Variants in EIF2B1 observed in about 807,000 individuals in gnomAD.
EIF2B1 encodes eukaryotic translation initiation factor 2B subunit alpha, also known as translation initiation factor eIF2B subunit alpha.
In EIF2B1, 30 loss-of-function variants were observed where a neutral mutation model predicts 36.8. The ratio of observed to expected loss-of-function variants is 0.81; its 90% CI spans 0.61 to 1.10. The LOEUF (loss-of-function observed/expected upper bound fraction) is 1.10, where lower values mean the gene tolerates loss of function less well. EIF2B1 is among the 50% of genes least tolerant of loss of function. The pLI is 0.00. For synonymous variants in EIF2B1, 139 were observed against 142.2 expected, an observed-to-expected ratio of 0.98 and a Z score of 0.16; for missense variants, 271 against 374.8, an observed-to-expected ratio of 0.72 and a Z score of 2.29.
chr12:123,624,961 T>C, intron 6 of EIF2B1, 99 bp from the exon 7 acceptor site: 3 of 1,138,444 alleles, frequency 2.6e-6, no homozygotes, highest in Non-Finnish European at 3.9e-6. Flanking sequence ...CAAGGTAAGT[T>C]CCTCCCATAA....
Position 123,630,514 on chromosome 12 carries a change from C to G in EIF2B1, c.135G>C (p.Leu45=), listed in dbSNP as rs768721677. 6.2e-7 allele frequency: 1 copy of G among 1,613,224 alleles called. No individual in the cohort carries two copies. The highest frequency in any genetic ancestry group is 8.5e-7 in the Non-Finnish European group (1 of 1,179,924). ...KRDKGETIQG[L]RANLTSAIET... Reference sequence around the variant, plus strand: ...CTATGGCACTGGTGAGATTCGCCCTCAGACCCTGGATTGTCTCCCCTGGAA... The same window carrying G: ...CTATGGCACTGGTGAGATTCGCCCTGAGACCCTGGATTGTCTCCCCTGGAA... Residue 45 remains leucine, a synonymous_variant, in exon 3 of 9, where the codon CTG becomes CTC. Transcript: ENST00000424014. This position sits in a 1 kb window ranked among gnomAD's most constrained non-coding sequence, Gnocchi z 4.6.
At chr12:123,632,288 AAAG>A in intron 2 of EIF2B1, 54 bp downstream of exon 2, 1 of 1,192,784 alleles carries the variant, frequency 8.4e-7, no homozygotes, top group Non-Finnish European at 1.2e-6. Context: ...AAAAAAAAGA[AAAG>A]AAAAAAAAGA....
At position 123,632,318 on chromosome 12, in the gene EIF2B1, AGT is replaced by A. The variant is rs1308331739; in HGVS notation, c.115+25_115+26del. On this transcript the variant is annotated intron_variant, in intron 2 of 8. Transcript: ENST00000424014. ...AAAAAAAGACTATCCTAAGTCCCAG[AGT>A]GTTAACAGATGACTCTCTATATACC... 6 of 1,299,634 alleles carry A rather than the reference AGT, an allele frequency of 4.6e-6. No homozygotes were observed. The East Asian group carries it at 1.4e-4, about 30-fold the overall frequency. The allele number at this position is 1,299,634 out of a possible 1,614,324, so 80.5% of individuals were successfully genotyped here. A position where few individuals can be genotyped will look rare whatever the true frequency, so the allele number is the denominator to read the frequency against.
At chr12:123,633,489 G>A (rs1000409499) in intron 1 of EIF2B1, 56 bp downstream of exon 1, 1 of 1,613,028 alleles carries the variant, frequency 6.2e-7, no homozygotes, top group African/African-American at 1.3e-5. Flanking sequence ...GAGAGGTTGG[G>A]GGGACCCCTG....
chr12:123,626,983 A>C (rs1341282567), intron 5 of EIF2B1, 61 bp downstream of exon 5: 1 of 1,471,402 alleles, frequency 6.8e-7, no homozygotes, highest in African/African-American at 1.4e-5. Context: ...GTTGGACTGT[A>C]ATCCGCAGTT....
intron 4 of EIF2B1, among the ~76,000 whole-genome samples, chr12:123,628,778 C>T (rs1411330876): frequency 1.3e-5 from 2 of 152,116 alleles, no homozygotes; most frequent in South Asian, 2.1e-4. Flanking sequence ...AAGGCAGGTT[C>T]GTGGACCCTA....
Position 123,633,634 on chromosome 12 carries a change from C to T in EIF2B1, c.-77G>A, listed in dbSNP as rs779339725. ...CGAACGGGTCCGCCGGCCGCGCCGCCTGCGAGCCAGTCTGACAGCGCGCTG... is the reference window on the plus strand; with the variant it reads ...CGAACGGGTCCGCCGGCCGCGCCGCTTGCGAGCCAGTCTGACAGCGCGCTG... On this transcript the variant is annotated 5_prime_UTR_variant, in exon 1 of 9. Transcript: ENST00000424014. The T allele has an allele frequency of 6.3e-7, 1 of 1,592,896 alleles. No homozygotes were observed. The highest frequency in any genetic ancestry group is 1.7e-5 in the Admixed American group (1 of 59,734).
chr12:123,621,613 C>G lies in EIF2B1; in HGVS notation c.*143G>C. The G allele has an allele frequency of 9.7e-7, 1 of 1,030,734 alleles. No individual in the cohort carries two copies. Among genetic ancestry groups the G allele is most frequent in the South Asian group, 1.4e-5 (1 of 73,720 alleles). The allele number at this position is 1,030,734 out of a possible 1,614,324, so 63.8% of individuals were successfully genotyped here. On this transcript the variant is annotated 3_prime_UTR_variant, in exon 9 of 9. Transcript: ENST00000424014. The stretch of plus-strand genomic sequence containing the variant: ...GACTGAAATGAGTAAGAAAGGTTCT[C>G]CAAGATGTATGATTTTAAGTCCTTA...
At chr12:123,626,321 TG>T in intron 6 of EIF2B1, 103 bp downstream of exon 6, 1 of 1,375,764 alleles carries the variant, frequency 7.3e-7, no homozygotes, top group Non-Finnish European at 1.0e-6. Context: ...GGACGCTACC[TG>T]GTGTGGCTTT....
intron 4 of EIF2B1, among the ~76,000 whole-genome samples, chr12:123,627,601 T>C (rs184768971): frequency 4.3e-4 from 65 of 152,286 alleles, no homozygotes; most frequent in African/African-American, 1.5e-3. Context: ...AATCCCAGCA[T>C]TTTGGGAGGC....
rs73414291 is a variant in EIF2B1 at position 123,624,759 on chromosome 12, G to A, written c.627+28C>T. On this transcript the variant is annotated intron_variant, in intron 7 of 8. Transcript: ENST00000424014. ...GCAAGACACCTCCAAGTCTTGAGCA[G>A]GGAACTGGGGAGAACTGATGCTCTT... The A allele has an allele frequency of 2.1e-3, 3,435 of 1,604,332 alleles. 58 individuals carry two copies. In the African/African-American group the frequency reaches 0.038, roughly 18 times the overall value.
chr12:123,621,802 A>C lies in EIF2B1; in HGVS notation c.872T>G (p.Leu291Arg). The C allele has an allele frequency of 1.9e-6, 3 of 1,614,012 alleles. No individual in the cohort carries two copies. Among genetic ancestry groups the C allele is most frequent in the Non-Finnish European group, 2.5e-6 (3 of 1,180,034 alleles). Residue 291 changes from leucine to arginine, a missense_variant, in exon 9 of 9, where the codon CTG becomes CGG. Leu to Arg is a moderately radical substitution (Grantham distance 102). Coordinates refer to ENST00000424014, the MANE Select transcript of EIF2B1 (RefSeq NM_001414.4). The stretch of plus-strand genomic sequence containing the variant: ...CTCATCGCTGACTGCTGAGGGTGTC[A>C]GCACGCCCAGGTCTGTAAACAGCAG... ...ITLLFTDLGV[L>R]TPSAVSDELI...
chr12:123,622,357 TGTG>T (rs1200866975), intron 8 of EIF2B1, among the ~76,000 whole-genome samples: 3 of 152,210 alleles, frequency 2.0e-5, no homozygotes, highest in African/African-American at 4.8e-5. Flanking sequence ...GTTTGTAAGT[TGTG>T]GTGATGGGAG....
chr12:123,630,599 T>G lies in EIF2B1; in HGVS notation c.116-66A>C. On this transcript the variant is annotated intron_variant, in intron 2 of 8. Coordinates refer to ENST00000424014, the MANE Select transcript of EIF2B1 (RefSeq NM_001414.4). This position sits in a 1 kb window ranked among gnomAD's most constrained non-coding sequence, Gnocchi z 4.6. ...CCACAGCCCCGACCTGTATCTTCAA[T>G]TCATTCATTCATTCAGTGAATATTT... The G allele has an allele frequency of 6.3e-7, 1 of 1,583,046 alleles. No homozygotes were observed. The highest frequency in any genetic ancestry group is 8.6e-7 in the Non-Finnish European group (1 of 1,162,720).
In EIF2B1 at chr12:123,622,618, A is replaced by C. The variant is rs747568141; in HGVS notation, c.753+18T>G. The C allele has an allele frequency of 2.3e-5, 37 of 1,613,760 alleles. No homozygotes were observed. Among genetic ancestry groups the C allele is most frequent in the Admixed American group, 1.7e-5 (1 of 59,994 alleles). ...CTGTTTAGACTTTAGTACCCCTTCA[A>C]ATATGTAAAACTCTTGCCTTAAACT... is the stretch of plus-strand genomic sequence containing the variant. On this transcript the variant is annotated intron_variant, in intron 8 of 8. Transcript: ENST00000424014.
intron 4 of EIF2B1, 183 bp downstream of exon 4, chr12:123,629,986 C>A (rs1955175858): frequency 6.0e-6 from 4 of 667,378 alleles, no homozygotes; most frequent in Admixed American, 2.2e-5. Context: ...TTAATCCTCA[C>A]AACAACCCAA....
chr12:123,627,288 A>T, intron 4 of EIF2B1, 132 bp from the exon 5 acceptor site: 3 of 773,356 alleles, frequency 3.9e-6, no homozygotes, highest in Non-Finnish European at 4.5e-6. Context: ...ACAACCAGAA[A>T]GGAGACCTGA....
At position 123,627,078 on chromosome 12, in the gene EIF2B1, C is replaced by T; in HGVS notation, c.448G>A (p.Val150Ile). The T allele has an allele frequency of 6.2e-7, 1 of 1,614,190 alleles. No individual in the cohort carries two copies. Among genetic ancestry groups the T allele is most frequent in the South Asian group, 1.1e-5 (1 of 91,086 alleles). The change falls in exon 5 of 9, where the codon GTA becomes ATA. Residue 150 changes from valine (V) to isoleucine (I), a missense_variant. Coordinates refer to ENST00000424014, the MANE Select transcript of EIF2B1 (RefSeq NM_001414.4). ...AAVAAKKRFS[V>I]YVTESQPDLS... Reference sequence around the variant, plus strand: ...TCAGGCTGTGACTCTGTGACGTATACACTAAATCGCTTCTTGGCCGCCACG... The same window carrying T: ...TCAGGCTGTGACTCTGTGACGTATATACTAAATCGCTTCTTGGCCGCCACG...
intron 4 of EIF2B1, chr12:123,629,962 A>C: frequency 1.6e-6 from 1 of 630,338 alleles, no homozygotes; most frequent in Non-Finnish European, 2.8e-6. Context: ...TGCCCCTTAC[A>C]TGTCTTGCCT....
Sources: gnomAD v4.1 joint callset for allele counts (sites outside exome capture counted in the v4.1 genomes callset) on GRCh38, gnomAD v4.1.1 for gene constraint, Gnocchi (gnomAD v3.1) non-coding constraint, MANE v1.5 for transcripts, NCBI Gene and HGNC (gene_info 2026-07-23, HGNC 2026-07-21) for gene names.